PHF19: variants seen among roughly 807,000 people sequenced by gnomAD.
PHF19 encodes the protein PHD finger protein 19.
Under a neutral mutation model 79.8 loss-of-function variants are expected in PHF19, and 21 were observed. The observed-to-expected ratio is 0.26, with a 90% CI of 0.19 to 0.38. The LOEUF (loss-of-function observed/expected upper bound fraction) is 0.38, where lower values mean the gene tolerates loss of function less well. Ranked by LOEUF, PHF19 falls within the 10% of genes least tolerant of loss-of-function variation. The probability of loss-of-function intolerance (pLI) is 1.00; values close to 1 mark genes in which losing one functional copy is unlikely to be tolerated. For synonymous variants in PHF19, 273 were observed against 296.3 expected, an observed-to-expected ratio of 0.92 and a Z score of 0.81; for missense variants, 445 against 744.2, an observed-to-expected ratio of 0.60 and a Z score of 4.68.
At chr9:120,902,559 C>A in the PHF19 span, 3 of 152,078 alleles carry the variant, frequency 2.0e-5, no homozygotes, top group African/African-American at 7.3e-5. Flanking sequence ...GTCTACACTC[C>A]AGTTCATCTG....
At chr9:120,861,024 G>A in intron 13 of PHF19, 65 bp downstream of exon 13, 2 of 930,152 alleles carry the variant, frequency 2.2e-6, no homozygotes, top group Non-Finnish European at 3.6e-6. Flanking sequence ...CTGAGGGCTT[G>A]GCTTTCTGCT....
intron 3 of PHF19, among the ~76,000 whole-genome samples, chr9:120,872,010 C>T (rs2045909834): frequency 8.0e-6 from 1 of 125,014 alleles, no homozygotes; most frequent in Non-Finnish European, 1.6e-5. Flanking sequence ...TGCACTCCAG[C>T]CTGGGTGACA....
chr9:120,894,113 C>T (rs1403991052), intron 1 of PHF19, among the ~76,000 whole-genome samples: 1 of 152,236 alleles, frequency 6.6e-6, no homozygotes, highest in Non-Finnish European at 1.5e-5. Context: ...CATCTGTCAA[C>T]AGGGACGACC....
chr9:120,864,012 A>C, intron 10 of PHF19, 37 bp downstream of exon 10: 1 of 1,552,568 alleles, frequency 6.4e-7, no homozygotes, highest in Non-Finnish European at 8.9e-7. Context: ...TCACCTGTAG[A>C]GGGCCCCACC....
upstream of PHF19, among the ~76,000 whole-genome samples, chr9:120,881,791 T>G (rs2046189727): frequency 6.6e-6 from 1 of 152,152 alleles, no homozygotes; most frequent in Admixed American, 6.5e-5. Flanking sequence ...AGATGAAGTC[T>G]TGCTCTGTTG....
chr9:120,897,043 C>T (rs2046408434), upstream of PHF19, among the ~76,000 whole-genome samples: 1 of 152,254 alleles, frequency 6.6e-6, no homozygotes, highest in African/African-American at 2.4e-5. Flanking sequence ...CCAGCGCTGC[C>T]ACCTCCTAGC....
chr9:120,867,822 C>G (rs142000560), intron 6 of PHF19, among the ~76,000 whole-genome samples: 1 of 152,312 alleles, frequency 6.6e-6, no homozygotes, highest in Non-Finnish European at 1.5e-5. Context: ...GGGGTCCTGA[C>G]GGCTGAACTT....
intron 3 of PHF19, among the ~76,000 whole-genome samples, chr9:120,872,589 C>G (rs548478759): frequency 6.6e-6 from 1 of 152,146 alleles, no homozygotes; most frequent in Admixed American, 6.5e-5. Context: ...GGGGGCAATT[C>G]GAAAGCTTTA....
rs193033192 is a variant in PHF19 at position 120,874,961 on chromosome 9, A to C, written c.-15-205T>G. Among the ~76,000 whole-genome samples, 1 of 152,300 alleles carries C rather than the reference A, an allele frequency of 6.6e-6. No homozygotes were observed. Among genetic ancestry groups the C allele is most frequent in the African/African-American group, 2.4e-5 (1 of 41,566 alleles). ...TAGGGAAACAGGTGTGGCAAGGAGAAGAGGCTGATGGGCCAAAGGCAGAGC... is the reference window on the plus strand; with the variant it reads ...TAGGGAAACAGGTGTGGCAAGGAGACGAGGCTGATGGGCCAAAGGCAGAGC... On this transcript the variant is annotated intron_variant, in intron 1 of 14. Coordinates refer to ENST00000373896, the MANE Select transcript of PHF19 (RefSeq NM_015651.3). This position sits in a 1 kb window ranked among gnomAD's most constrained non-coding sequence, Gnocchi z 4.5.
rs1588113195 is a variant in PHF19 at position 120,870,278 on chromosome 9, T to C, written c.364+165A>G. Among the ~76,000 whole-genome samples, 2 of 152,220 alleles carry C rather than the reference T, an allele frequency of 1.3e-5. No homozygotes were observed. The highest frequency in any genetic ancestry group is 4.2e-4 in the South Asian group (2 of 4,818). ...CCCTCCCAGCTTTCCCCAGGATCTC[T>C]TCCCAAGCCCTCACTTACAGCAACT... is the stretch of plus-strand genomic sequence containing the variant. On this transcript the variant is annotated intron_variant, in intron 4 of 14. Coordinates refer to ENST00000373896, the MANE Select transcript of PHF19 (RefSeq NM_015651.3). The surrounding 1 kb of genome is among the most constrained non-coding windows in gnomAD (Gnocchi z 4.4).
intron 3 of PHF19, among the ~76,000 whole-genome samples, chr9:120,872,037 C>CAAAAAAAAAGAA (rs2045912428): frequency 8.6e-4 from 26 of 30,322 alleles, no homozygotes; most frequent in Middle Eastern, 0.045. Context: ...GACTCTGTCT[C>CAAAAAAAAAGAA]AAAAAAAAAA....
In PHF19 at chr9:120,872,037, C is replaced by CAAAA. The variant is rs1170243737; in HGVS notation, c.269-1503_269-1500dup. Among the ~76,000 whole-genome samples, 150 of 30,268 alleles carry CAAAA rather than the reference C, an allele frequency of 5.0e-3. 6 individuals are homozygous for CAAAA. Among genetic ancestry groups the CAAAA allele is most frequent in the South Asian group, 0.017 (7 of 404 alleles). The allele number at this position is 30,268 out of a possible 152,430, so 19.9% of individuals were successfully genotyped here. A position where few individuals can be genotyped will look rare whatever the true frequency, so the allele number is the denominator to read the frequency against. On this transcript the variant is annotated intron_variant, in intron 3 of 14. Transcript: ENST00000373896. ...TGGGTGACAGAGCAAGACTCTGTCT[C>CAAAA]AAAAAAAAAAAAAAAAAAAAAAAAA... is the stretch of plus-strand genomic sequence containing the variant.
chr9:120,864,234 A>G, intron 9 of PHF19, 118 bp from the exon 10 acceptor site: 1 of 785,164 alleles, frequency 1.3e-6, no homozygotes, highest in Non-Finnish European at 2.2e-6. Context: ...GGTGAGGACC[A>G]CTGACTCACT....
chr9:120,872,037 C>CAGA (rs1491425777), intron 3 of PHF19, among the ~76,000 whole-genome samples: 1 of 30,322 alleles, frequency 3.3e-5, no homozygotes, highest in African/African-American at 1.3e-4. Flanking sequence ...GACTCTGTCT[C>CAGA]AAAAAAAAAA....
At chr9:120,883,116 G>A (rs2046212075) in intron 1 of PHF19, among the ~76,000 whole-genome samples, 1 of 152,172 alleles carries the variant, frequency 6.6e-6, no homozygotes, top group African/African-American at 2.4e-5. Flanking sequence ...TGGCATGCCT[G>A]TGGCCTTGGT....
Position 120,877,181 on chromosome 9 carries a change from G to A in PHF19, c.-106C>T, listed in dbSNP as rs1186760073. On this transcript the variant is annotated 5_prime_UTR_variant, in exon 1 of 15. Coordinates refer to ENST00000373896, the MANE Select transcript of PHF19 (RefSeq NM_015651.3). The stretch of plus-strand genomic sequence containing the variant: ...GGCTGCGCTCGGCCCGCGGCTGCCC[G>A]GCCGAGTGTCCGCCCGTGGGGCCGG... 1.0e-6 allele frequency: 1 copy of A among 983,832 alleles called. No homozygotes were observed. Among genetic ancestry groups the A allele is most frequent in the Non-Finnish European group, 1.2e-6 (1 of 829,248 alleles). The allele number at this position is 983,832 out of a possible 1,614,324, so 60.9% of individuals were successfully genotyped here. A position where few individuals can be genotyped will look rare whatever the true frequency, so the allele number is the denominator to read the frequency against.
chr9:120,894,217 T>C (rs2046376180), intron 1 of PHF19, among the ~76,000 whole-genome samples: 1 of 152,186 alleles, frequency 6.6e-6, no homozygotes, highest in Non-Finnish European at 1.5e-5. Context: ...CCCCTAAGAC[T>C]GATCACCCAC....
exon 1 of PHF19, chr9:120,894,877 TA>T: frequency 9.9e-7 from 1 of 1,014,826 alleles, no homozygotes; most frequent in Non-Finnish European, 1.3e-6. Flanking sequence ...GAATGAATGC[TA>T]AATACACGAC....
chr9:120,868,045 C>T (rs1452584139), intron 6 of PHF19, among the ~76,000 whole-genome samples: 1 of 151,972 alleles, frequency 6.6e-6, no homozygotes, highest in East Asian at 1.9e-4. Context: ...CTACCCCTGC[C>T]TGATTGCACA....
Sources: gnomAD v4.1 joint callset for allele counts (sites outside exome capture counted in the v4.1 genomes callset) on GRCh38, gnomAD v4.1.1 for gene constraint, Gnocchi (gnomAD v3.1) non-coding constraint, MANE v1.5 for transcripts, NCBI Gene and HGNC (gene_info 2026-07-23, HGNC 2026-07-21) for gene names.